The following CDON variants were observed in gnomAD, a reference collection of about 807,000 sequenced individuals.
CDON encodes the protein cell adhesion associated, oncogene regulated.
In CDON, 73 loss-of-function variants were observed where a neutral mutation model predicts 120.9. That is an observed-to-expected ratio of 0.60 (90% CI 0.50 to 0.73). The LOEUF (loss-of-function observed/expected upper bound fraction) is 0.73, where lower values mean the gene tolerates loss of function less well. Among genes scored for constraint, CDON ranks in the 30% least tolerant of loss-of-function variants. The probability of loss-of-function intolerance (pLI) is 0.00; values close to 1 mark genes in which losing one functional copy is unlikely to be tolerated. For synonymous variants in CDON, 566 were observed against 573.5 expected, an observed-to-expected ratio of 0.99 and a Z score of 0.19; for missense variants, 1,470 against 1,587.3, an observed-to-expected ratio of 0.93 and a Z score of 1.26.
intron 1 of CDON, among the ~76,000 whole-genome samples, chr11:126,046,761 G>C (rs1948417621): frequency 6.6e-6 from 1 of 152,058 alleles, no homozygotes; most frequent in Admixed American, 6.5e-5. Context: ...GGAGTGTCTG[G>C]GTGGGGCTGA....
At chr11:126,043,321 G>A (rs79091639) in intron 1 of CDON, among the ~76,000 whole-genome samples, 2 of 152,056 alleles carry the variant, frequency 1.3e-5, no homozygotes, top group African/African-American at 4.8e-5. Context: ...AAACTTCTAG[G>A]GGGTATTTGA....
chr11:126,045,241 T>C (rs919424864), intron 1 of CDON, among the ~76,000 whole-genome samples: 1 of 152,162 alleles, frequency 6.6e-6, no homozygotes, highest in Non-Finnish European at 1.5e-5. Context: ...TTGGCCAGGA[T>C]GGTCTCGATC....
At chr11:126,016,687 C>T (rs2134666869) in intron 6 of CDON, among the ~76,000 whole-genome samples, 1 of 152,236 alleles carries the variant, frequency 6.6e-6, no homozygotes, top group South Asian at 2.1e-4. Flanking sequence ...CCCTCCTCAG[C>T]CTCCCAAAGT....
At chr11:125,989,952 G>T (rs1046441019) in intron 14 of CDON, among the ~76,000 whole-genome samples, 193 bp from the exon 15 acceptor site, 2 of 151,814 alleles carry the variant, frequency 1.3e-5, no homozygotes, top group Non-Finnish European at 2.9e-5. Context: ...TACACGGCAT[G>T]AAAAAAAGGT....
intron 1 of CDON, among the ~76,000 whole-genome samples, chr11:126,050,749 G>A (rs773320238): frequency 6.6e-6 from 1 of 152,058 alleles, no homozygotes; most frequent in African/African-American, 2.4e-5. Context: ...GTCTGTGCAC[G>A]CCATGCACAG....
At chr11:125,989,300 C>T (rs574614048) in intron 15 of CDON, among the ~76,000 whole-genome samples, 1 of 152,288 alleles carries the variant, frequency 6.6e-6, no homozygotes, top group South Asian at 2.1e-4. Context: ...CTTTGGGAAG[C>T]CCAGGTGGGT....
chr11:126,032,103 T>A (rs1947960149), intron 1 of CDON, among the ~76,000 whole-genome samples: 1 of 152,140 alleles, frequency 6.6e-6, no homozygotes, highest in South Asian at 2.1e-4. Context: ...AAAGGCAGAA[T>A]TTTTAGGAAA....
At chr11:125,970,847 CT>C (rs1264483098) in intron 18 of CDON, among the ~76,000 whole-genome samples, 8 of 152,172 alleles carry the variant, frequency 5.3e-5, no homozygotes, top group African/African-American at 1.9e-4. Flanking sequence ...AGGTCTCCAT[CT>C]TAGAAGTACG....
At chr11:126,011,650 T>G (rs1034136831) in intron 7 of CDON, among the ~76,000 whole-genome samples, 1 of 152,210 alleles carries the variant, frequency 6.6e-6, no homozygotes, top group Non-Finnish European at 1.5e-5. Flanking sequence ...ATGTGACTAG[T>G]ATCTCCTTCC....
intron 11 of CDON, among the ~76,000 whole-genome samples, chr11:126,000,593 G>T (rs1438234908): frequency 6.7e-6 from 1 of 149,118 alleles, no homozygotes; most frequent in Admixed American, 6.8e-5. Flanking sequence ...TCTGCCAGAG[G>T]GTGTATAAAA....
At chr11:126,015,541 G>A in intron 6 of CDON, 31 bp from the exon 7 acceptor site, 1 of 1,609,330 alleles carries the variant, frequency 6.2e-7, no homozygotes. Flanking sequence ...TTAAACTCTA[G>A]CCCTCAAAAT....
chr11:126,023,407 T>C lies in CDON; in HGVS notation c.70A>G (p.Ser24Gly). The C allele has an allele frequency of 6.2e-7, 1 of 1,604,994 alleles. No homozygotes were observed. Among genetic ancestry groups the C allele is most frequent in the Non-Finnish European group, 8.5e-7 (1 of 1,171,720 alleles). The change falls in exon 2 of 20, where the codon AGT (serine) becomes GGT (glycine). Residue 24 changes from serine to glycine, a missense_variant. Physicochemically the swap from Ser to Gly is moderately conservative, Grantham distance 56. Transcript: ENST00000531738. ...TCCCCAATTCTACTCTTACCTGAAC[T>C]CACAGAAGAGCACAGAATTGTAAGA... The part of the protein sequence containing the change: ...VTLTILCSSV[S>G]SDLAPYFTSE...
chr11:125,989,835 A>G, intron 14 of CDON, 76 bp from the exon 15 acceptor site: 1 of 1,400,142 alleles, frequency 7.1e-7, no homozygotes, highest in Non-Finnish European at 9.8e-7. Flanking sequence ...TAATGTTTTC[A>G]GGATGAGGCT....
chr11:126,046,384 C>A (rs1236329430), intron 1 of CDON, among the ~76,000 whole-genome samples: 2 of 152,146 alleles, frequency 1.3e-5, no homozygotes, highest in Admixed American at 6.5e-5. Flanking sequence ...CATACATGTT[C>A]AATATCGCTA....
At chr11:126,033,503 A>G (rs1948006407) in intron 1 of CDON, among the ~76,000 whole-genome samples, 1 of 152,196 alleles carries the variant, frequency 6.6e-6, no homozygotes, top group Admixed American at 6.5e-5. Flanking sequence ...TACTAATGAA[A>G]AAGTTTTAAA....
chr11:126,059,340 C>A (rs1021406611), intron 1 of CDON, among the ~76,000 whole-genome samples: 3 of 152,190 alleles, frequency 2.0e-5, no homozygotes, highest in Non-Finnish European at 4.4e-5. Flanking sequence ...CACTGTAGTC[C>A]TGCTTGTAAT....
At position 126,034,892 on chromosome 11, in the gene CDON, TA is replaced by T. The variant is rs575370303; in HGVS notation, c.-61-11356del. Among the ~76,000 whole-genome samples the T allele has an allele frequency of 8.5e-5, 13 of 152,306 alleles. No homozygotes were observed. In the South Asian group the frequency reaches 2.7e-3, roughly 32 times the overall value. Reference sequence around the variant, plus strand: ...GTTATGGTAACCACAAAACAAATGCTAAAAGCTAAGTTTGCTAAGAACTAGC... The same window carrying T: ...GTTATGGTAACCACAAAACAAATGCTAAAGCTAAGTTTGCTAAGAACTAGC... On this transcript the variant is annotated intron_variant, in intron 1 of 19. Transcript: ENST00000531738. This position sits in a 1 kb window ranked among gnomAD's most constrained non-coding sequence, Gnocchi z 4.5.
At chr11:126,012,115 T>G (rs969214348) in intron 7 of CDON, among the ~76,000 whole-genome samples, 19 of 152,348 alleles carry the variant, frequency 1.2e-4, no homozygotes, top group Non-Finnish European at 2.5e-4. Flanking sequence ...TCCCATGTTC[T>G]TTTTCTCCTT....
chr11:125,988,801 C>T (rs542234193), intron 15 of CDON, among the ~76,000 whole-genome samples: 1 of 152,168 alleles, frequency 6.6e-6, no homozygotes, highest in Non-Finnish European at 1.5e-5. Flanking sequence ...TCAGCAACTG[C>T]TAATTCTAAA....
Sources: allele counts gnomAD v4.1 joint callset (sites outside exome capture counted in the v4.1 genomes callset), GRCh38; gene constraint gnomAD v4.1.1; non-coding constraint Gnocchi (gnomAD v3.1); transcripts MANE v1.5; gene names NCBI Gene and HGNC (gene_info 2026-07-23, HGNC 2026-07-21).